The following SRRM3 variants were observed in gnomAD, a reference collection of about 807,000 sequenced individuals.
SRRM3 encodes the protein serine/arginine repetitive matrix protein 3.
SRRM3 carries 27 observed loss-of-function variants against 66.2 expected under a neutral mutation model. That is an observed-to-expected ratio of 0.41 (90% confidence interval 0.30 to 0.56). The LOEUF is 0.56. SRRM3 is among the 20% of genes least tolerant of loss of function. SRRM3 has a pLI of 0.32. For synonymous variants in SRRM3, 391 were observed against 414.9 expected (o/e 0.94, Z 0.70); for missense variants, 918 against 991.9 (o/e 0.93, Z 1.00).
chr7:76,265,747 A>G (rs1309032369), intron 10 of SRRM3, among the ~76,000 whole-genome samples: 4 of 137,846 alleles, frequency 2.9e-5, no homozygotes, highest in Non-Finnish European at 6.1e-5. Flanking sequence ...TATTACTTTT[A>G]TTATATATAA....
At chr7:76,223,618 G>C (rs1340546788) in intron 1 of SRRM3, among the ~76,000 whole-genome samples, 2 of 152,130 alleles carry the variant, frequency 1.3e-5, no homozygotes, top group African/African-American at 4.8e-5. Context: ...TCTCGTTTCT[G>C]ACAGTTGGAA....
intron 8 of SRRM3, among the ~76,000 whole-genome samples, chr7:76,264,100 A>G (rs1416430071): frequency 2.7e-5 from 4 of 146,424 alleles, no homozygotes; most frequent in Non-Finnish European, 4.5e-5. Flanking sequence ...GCAAATCACC[A>G]TTTCTATCTG....
chr7:76,228,285 T>C (rs1244549372), intron 1 of SRRM3, among the ~76,000 whole-genome samples: 8 of 152,214 alleles, frequency 5.3e-5, no homozygotes, highest in African/African-American at 1.4e-4. Flanking sequence ...GTGAGAATCT[T>C]GGGGCTCTGT....
chr7:76,204,535 A>G lies in SRRM3; in HGVS notation c.-40+2468A>G, dbSNP rs7794367. On this transcript the variant is annotated intron_variant, in intron 1 of 14. Transcript: ENST00000611745. ...CCCAACCCCACTGCCTCAGGACCCC[A>G]GGATGACTTCCACAACACCACTCTG... 4.2e-3 allele frequency among the ~76,000 whole-genome samples: 640 copies of G among 152,296 alleles called. 6 individuals carry two copies. The highest frequency in any genetic ancestry group is 0.014 in the African/African-American group (599 of 41,566).
At chr7:76,274,848 G>A (rs922568082) in intron 11 of SRRM3, among the ~76,000 whole-genome samples, 2 of 152,370 alleles carry the variant, frequency 1.3e-5, no homozygotes, top group Non-Finnish European at 2.9e-5. Flanking sequence ...GCTCACGCCT[G>A]TAATCCCAGC....
intron 2 of SRRM3, among the ~76,000 whole-genome samples, chr7:76,244,938 T>C (rs1554606032): frequency 1.3e-5 from 2 of 152,262 alleles, no homozygotes; most frequent in Non-Finnish European, 2.9e-5. Context: ...TGGGACTGCC[T>C]CTGGGAACCA....
Position 76,235,094 on chromosome 7 carries a change from G to T in SRRM3, c.28G>T (p.Ala10Ser). The T allele has an allele frequency of 1.3e-6, 2 of 1,585,062 alleles. No homozygotes were observed. The highest frequency in any genetic ancestry group is 1.7e-6 in the Non-Finnish European group (2 of 1,170,678). The part of the protein sequence containing the change: MSSTVNNGA[A>S]SMQSTPDAAN... ...GTCCTCCACCGTGAACAACGGGGCG[G>T]CCAGCATGCAGTCCACACCCGACGC... The change falls in exon 2 of 15, where the codon GCC becomes TCC. Residue 10 changes from alanine (A) to serine (S), a missense_variant. By Grantham distance (99) the Ala-to-Ser change is moderately conservative (BLOSUM62 1). Transcript: ENST00000611745.
rs559929038 is a variant in SRRM3 at position 76,210,872 on chromosome 7, C to T, written c.-40+8805C>T. On this transcript the variant is annotated intron_variant, in intron 1 of 14. Transcript: ENST00000611745. The stretch of plus-strand genomic sequence containing the variant: ...GGCTGGAGTGCAGTGGGGCAATCTC[C>T]GCTCACTGCAACCTCTGCCTCCCAG... 2.8e-4 allele frequency among the ~76,000 whole-genome samples: 42 copies of T among 152,058 alleles called. No homozygotes were observed. In the East Asian group the frequency reaches 6.0e-3, roughly 22 times the overall value.
chr7:76,253,655 A>AAAAATAC (rs1801636203), intron 3 of SRRM3, among the ~76,000 whole-genome samples: 1 of 151,726 alleles, frequency 6.6e-6, no homozygotes, highest in Non-Finnish European at 1.5e-5. Flanking sequence ...AAATAAAAAT[A>AAAAATAC]AAAATACAAA....
At chr7:76,243,637 G>A (rs1226262792) in intron 2 of SRRM3, among the ~76,000 whole-genome samples, 1 of 152,112 alleles carries the variant, frequency 6.6e-6, no homozygotes, top group Non-Finnish European at 1.5e-5. Flanking sequence ...CCAGGAAAGG[G>A]GGCTTGGATC....
chr7:76,267,606 C>G, intron 11 of SRRM3, 171 bp downstream of exon 11: 1 of 560,618 alleles, frequency 1.8e-6, no homozygotes, highest in Non-Finnish European at 2.7e-6. Context: ...CGGGAGCCGC[C>G]GGGAGTGCTA....
At chr7:76,283,828 C>T (rs1802594144) in intron 14 of SRRM3, 1 of 985,254 alleles carries the variant, frequency 1.0e-6, no homozygotes, top group African/African-American at 1.7e-5. Context: ...GGGCCTGGGT[C>T]TCCGGGTGAC....
At chr7:76,230,416 G>A (rs1015908738) in intron 1 of SRRM3, among the ~76,000 whole-genome samples, 4 of 152,108 alleles carry the variant, frequency 2.6e-5, no homozygotes, top group Non-Finnish European at 5.9e-5. Flanking sequence ...TTGGGAGGCC[G>A]AAGCAGGAAG....
chr7:76,215,222 A>C (rs1554602373), intron 1 of SRRM3, among the ~76,000 whole-genome samples: 1 of 151,930 alleles, frequency 6.6e-6, no homozygotes, highest in African/African-American at 2.4e-5. Flanking sequence ...ATAGCACTTG[A>C]AACAACAACA....
intron 1 of SRRM3, among the ~76,000 whole-genome samples, chr7:76,210,380 T>C (rs1800402196): frequency 6.6e-6 from 1 of 152,182 alleles, no homozygotes; most frequent in African/African-American, 2.4e-5. Flanking sequence ...ATCTGACACA[T>C]ATGTCATTCT....
chr7:76,282,255 A>G (rs1210582827), intron 12 of SRRM3, among the ~76,000 whole-genome samples: 2 of 77,298 alleles, frequency 2.6e-5, no homozygotes, highest in Non-Finnish European at 5.0e-5. Context: ...CCCTCCACTG[A>G]TGCCAACCCC....
chr7:76,255,753 A>G (rs1247506678), intron 3 of SRRM3, among the ~76,000 whole-genome samples: 1 of 152,208 alleles, frequency 6.6e-6, no homozygotes, highest in African/African-American at 2.4e-5. Context: ...CGGCCTGGTT[A>G]CATTTTTTAA....
intron 11 of SRRM3, among the ~76,000 whole-genome samples, chr7:76,271,657 C>A (rs1339872956): frequency 6.6e-6 from 1 of 152,066 alleles, no homozygotes; most frequent in African/African-American, 2.4e-5. Flanking sequence ...CAAACAACAA[C>A]AACAACAAAA....
intron 3 of SRRM3, among the ~76,000 whole-genome samples, chr7:76,255,711 G>A (rs1367896236): frequency 6.6e-6 from 1 of 152,138 alleles, no homozygotes; most frequent in African/African-American, 2.4e-5. Context: ...GCCTCCCAAT[G>A]TGTTGGGATT....
Sources: allele counts gnomAD v4.1 joint callset (sites outside exome capture counted in the v4.1 genomes callset), GRCh38; gene constraint gnomAD v4.1.1; transcripts MANE v1.5; gene names NCBI Gene and HGNC (gene_info 2026-07-23, HGNC 2026-07-21).